SYT6: variants seen among roughly 807,000 people sequenced by gnomAD.
The protein encoded by SYT6 is synaptotagmin-6.
A neutral mutation model predicts 38.4 loss-of-function variants in SYT6; 24 were observed. The observed-to-expected ratio is 0.62, with a 90% CI of 0.45 to 0.88. The LOEUF (loss-of-function observed/expected upper bound fraction) is 0.88. SYT6 is among the 40% of genes least tolerant of loss of function. SYT6 has a pLI of 0.00. For synonymous variants in SYT6, 265 were observed against 241.9 expected (o/e 1.10, Z -0.89); for missense variants, 611 against 621.0 (o/e 0.98, Z 0.17).
chr1:114,147,767 C>T (rs533283664), intron 1 of SYT6, among the ~76,000 whole-genome samples: 5 of 152,190 alleles, frequency 3.3e-5, no homozygotes, highest in African/African-American at 4.8e-5. Flanking sequence ...AGTCAGGATT[C>T]GAATTATTCC....
chr1:114,138,177 T>C, intron 2 of SYT6, 124 bp from the exon 3 acceptor site: 3 of 939,154 alleles, frequency 3.2e-6, no homozygotes, highest in Non-Finnish European at 4.7e-6. Context: ...TTTTCCTTCC[T>C]CTTCTTGACC....
chr1:114,097,968 T>C, intron 5 of SYT6, 91 bp from the exon 6 acceptor site: 3 of 1,449,290 alleles, frequency 2.1e-6, no homozygotes, highest in Non-Finnish European at 2.8e-6. Flanking sequence ...CTCTGCCCGA[T>C]GGGTCTAACT....
At chr1:114,109,099 G>A (rs1012555541) in intron 3 of SYT6, among the ~76,000 whole-genome samples, 1 of 152,140 alleles carries the variant, frequency 6.6e-6, no homozygotes, top group Non-Finnish European at 1.5e-5. Context: ...CTCTGTGTTG[G>A]GGGTACAGAG....
chr1:114,128,645 G>T (rs1320276518), intron 3 of SYT6, among the ~76,000 whole-genome samples: 1 of 152,164 alleles, frequency 6.6e-6, no homozygotes, highest in Non-Finnish European at 1.5e-5. Flanking sequence ...GAACAAACTG[G>T]CCAGTTCTCA....
intron 3 of SYT6, among the ~76,000 whole-genome samples, chr1:114,136,687 C>T (rs534046373): frequency 3.9e-5 from 6 of 152,324 alleles, no homozygotes; most frequent in South Asian, 2.1e-4. Context: ...CACCCACCTC[C>T]TGTGTAGGTG....
chr1:114,145,247 C>T, intron 1 of SYT6, among the ~76,000 whole-genome samples: 1 of 152,154 alleles, frequency 6.6e-6, no homozygotes, highest in East Asian at 1.9e-4. Flanking sequence ...ATTTATTCAA[C>T]ATTACTATGT....
intron 3 of SYT6, among the ~76,000 whole-genome samples, chr1:114,117,881 A>G (rs961874018): frequency 1.3e-5 from 2 of 152,224 alleles, no homozygotes; most frequent in African/African-American, 4.8e-5. Flanking sequence ...CCTCATTAGT[A>G]AAATAGGGTG....
At chr1:114,135,270 C>T (rs1036865917) in intron 3 of SYT6, among the ~76,000 whole-genome samples, 3 of 152,120 alleles carry the variant, frequency 2.0e-5, no homozygotes, top group African/African-American at 7.2e-5. Context: ...ATTTAGTTCT[C>T]CTCATCAAGG....
intron 1 of SYT6, among the ~76,000 whole-genome samples, chr1:114,147,667 G>A (rs1179887829): frequency 6.6e-6 from 1 of 152,228 alleles, no homozygotes; most frequent in Non-Finnish European, 1.5e-5. Context: ...ATGACCGACA[G>A]CACAGCATGT....
At chr1:114,123,437 G>A (rs990390058) in intron 3 of SYT6, among the ~76,000 whole-genome samples, 2 of 152,148 alleles carry the variant, frequency 1.3e-5, no homozygotes, top group African/African-American at 4.8e-5. Context: ...GGGTGCAGGG[G>A]TGGCTCAAGG....
chr1:114,134,652 GAGAGGTGGGAAC>G (rs1678372668), intron 3 of SYT6, among the ~76,000 whole-genome samples: 1 of 152,180 alleles, frequency 6.6e-6, no homozygotes, highest in African/African-American at 2.4e-5. Context: ...GCACCAGGCA[GAGAGGTGGGAAC>G]AGATCTGCCT....
chr1:114,118,085 T>G (rs1677109455), intron 3 of SYT6, among the ~76,000 whole-genome samples: 1 of 152,074 alleles, frequency 6.6e-6, no homozygotes, highest in Non-Finnish European at 1.5e-5. Context: ...AAGCAAGCGG[T>G]GTGGGAGAGG....
intron 1 of SYT6, among the ~76,000 whole-genome samples, chr1:114,144,650 C>G (rs538586044): frequency 2.6e-5 from 4 of 152,260 alleles, no homozygotes; most frequent in African/African-American, 9.6e-5. Context: ...CAATTAAGGT[C>G]AAGCAACATT....
chr1:114,148,935 C>T (rs1679294767), intron 1 of SYT6, among the ~76,000 whole-genome samples: 1 of 152,128 alleles, frequency 6.6e-6, no homozygotes, highest in Non-Finnish European at 1.5e-5. Context: ...ACAGATTGAG[C>T]TGTGGAGTCC....
At position 114,139,716 on chromosome 1, in the gene SYT6, CGT is replaced by C. The variant is rs1557765561; in HGVS notation, c.409_410del (p.Thr137ValfsTer7). On this transcript the variant is annotated frameshift_variant, in exon 2 of 8. Transcript: ENST00000610222. LOFTEE classifies it high-confidence loss of function. ...GCACCTCAGCTGGGATATCTGGGGACGTGTGGCTGATCTTCACGGCCGCCTCC... is the reference window on the plus strand; with the variant it reads ...GCACCTCAGCTGGGATATCTGGGGACGTGGCTGATCTTCACGGCCGCCTCC... The part of the protein sequence containing the change: ...FLEAAVKISH[T>X]SPDIPAEVQM... 5 of 1,614,030 alleles carry C rather than the reference CGT, an allele frequency of 3.1e-6. No individual in the cohort carries two copies. Among genetic ancestry groups the C allele is most frequent in the Non-Finnish European group, 4.2e-6 (5 of 1,180,034 alleles).
intron 7 of SYT6, 87 bp downstream of exon 7, chr1:114,093,648 T>C: frequency 7.9e-7 from 1 of 1,269,502 alleles, no homozygotes; most frequent in East Asian, 2.4e-5. Flanking sequence ...ATCCTGCTGC[T>C]ATCTCAGCAT....
At chr1:114,153,418 T>C (rs1279129056) in intron 1 of SYT6, among the ~76,000 whole-genome samples, 192 bp downstream of exon 1, 1 of 152,146 alleles carries the variant, frequency 6.6e-6, no homozygotes, top group East Asian at 1.9e-4. Context: ...TACCCCAACC[T>C]CCGCTCCCCT....
Position 114,092,311 on chromosome 1 carries a change from A to ACTCTCTCTCTCTCT in SYT6, c.*52-243_*52-230dup, listed in dbSNP as rs35257020. Among the ~76,000 whole-genome samples, 140 of 133,492 alleles carry ACTCTCTCTCTCTCT rather than the reference A, an allele frequency of 1.0e-3. 1 individual carries two copies. Among genetic ancestry groups the ACTCTCTCTCTCTCT allele is most frequent in the African/African-American group, 1.5e-3 (48 of 32,644 alleles). 87.6% of individuals were successfully genotyped at this position (133,492 alleles called of 152,430 possible). A position where few individuals can be genotyped will look rare whatever the true frequency, so the allele number is the denominator to read the frequency against. ...TGCAGAGATAATTAAAGCTTTCTTAACTCTCTCTCTCTCTCTCTCTCTCTC... is the reference window on the plus strand; with the variant it reads ...TGCAGAGATAATTAAAGCTTTCTTAACTCTCTCTCTCTCTCTCTCTCTCTCTCTCTCTCTCTCTC... On this transcript the variant is annotated intron_variant, in intron 7 of 7. Coordinates refer to ENST00000610222, the MANE Select transcript of SYT6 (RefSeq NM_001253772.2).
intron 3 of SYT6, among the ~76,000 whole-genome samples, chr1:114,123,519 G>C (rs1015353064): frequency 1.3e-5 from 2 of 152,154 alleles, no homozygotes; most frequent in South Asian, 4.1e-4. Context: ...AGCCTTTTGG[G>C]GGCAGCAGAG....
Sources: gnomAD v4.1 joint callset for allele counts (sites outside exome capture counted in the v4.1 genomes callset) on GRCh38, gnomAD v4.1.1 for gene constraint, MANE v1.5 for transcripts, NCBI Gene and HGNC (gene_info 2026-07-23, HGNC 2026-07-21) for gene names.